The following MID1 variants were observed in gnomAD, a reference collection of about 807,000 sequenced individuals.
MID1 encodes the protein midline 1, also known as E3 ubiquitin-protein ligase Midline-1.
A neutral mutation model predicts 40.4 loss-of-function variants in MID1; 7 were observed. The observed-to-expected ratio is 0.17, with a 90% confidence interval of 0.10 to 0.33. MID1 has a LOEUF of 0.33. Among genes scored for constraint, MID1 ranks in the 10% least tolerant of loss-of-function variants. MID1 has a pLI of 1.00. For missense variants in MID1, 367 were observed against 558.5 expected (o/e 0.66, Z 3.46); for synonymous variants, 229 against 221.2 (o/e 1.04, Z -0.31).
At chrX:10,802,500 T>C (rs1014120806) in intron 1 of MID1, among the ~76,000 whole-genome samples, 2 of 111,963 alleles carry the variant, frequency 1.8e-5, no homozygotes, top group African/African-American at 3.3e-5. Context: ...ATGGCTATTA[T>C]TAAAAAGTCA....
chrX:10,576,539 T>C lies in MID1; in HGVS notation c.-56-8936A>G, dbSNP rs187760902. 1.9e-3 allele frequency among the ~76,000 whole-genome samples: 209 copies of C among 111,589 alleles called. 2 individuals carry two copies. The highest frequency in any genetic ancestry group is 0.018 in the Admixed American group (191 of 10,466). ...TAAACACTCCTTCTCGAGGTTCATT[T>C]ATACAAGCAGACAAGCACAAAGACA... On this transcript the variant is annotated intron_variant, in intron 1 of 9. Transcript: ENST00000317552.
chrX:10,549,455 AT>A lies in MID1; in HGVS notation c.660+17432del, dbSNP rs1003069910. On this transcript the variant is annotated intron_variant, in intron 2 of 9. Transcript: ENST00000317552. Reference sequence around the variant, plus strand: ...ATGGGCCAAATCCGGCCAGTCACCTATTTTTATAGAGCTTCATTGGCAGCCT... The same window carrying A: ...ATGGGCCAAATCCGGCCAGTCACCTATTTTATAGAGCTTCATTGGCAGCCT... Among the ~76,000 whole-genome samples the A allele has an allele frequency of 3.5e-5, 4 of 113,262 alleles. No homozygotes were observed. In the Admixed American group the frequency reaches 3.7e-4, roughly 10 times the overall value.
intron 1 of MID1, among the ~76,000 whole-genome samples, chrX:10,829,427 C>T (rs2044238180): frequency 8.9e-6 from 1 of 111,884 alleles, no homozygotes; most frequent in Non-Finnish European, 1.9e-5. Flanking sequence ...ACAGTTAGAA[C>T]CATTCTTTAT....
intron 1 of MID1, among the ~76,000 whole-genome samples, chrX:10,714,747 C>T (rs1323673532): frequency 8.9e-6 from 1 of 111,742 alleles, no homozygotes; most frequent in Non-Finnish European, 1.9e-5. Flanking sequence ...GAAGCAACGT[C>T]TGGTAGGGCT....
At chrX:10,659,464 A>G (rs2042897277) in intron 1 of MID1, among the ~76,000 whole-genome samples, 1 of 111,706 alleles carries the variant, frequency 9.0e-6, no homozygotes, top group Non-Finnish European at 1.9e-5. Flanking sequence ...AAGGTAAACA[A>G]TTTCCTTCTC....
intron 1 of MID1, among the ~76,000 whole-genome samples, chrX:10,639,991 G>T (rs899693412): frequency 9.0e-6 from 1 of 111,689 alleles, no homozygotes; most frequent in African/African-American, 3.3e-5. Flanking sequence ...CACCAGGCCT[G>T]CCTTACAAGA....
chrX:10,496,178 C>T (rs1276846655), intron 3 of MID1, among the ~76,000 whole-genome samples: 1 of 112,382 alleles, frequency 8.9e-6, no homozygotes, highest in Non-Finnish European at 1.9e-5. Context: ...TTTGACATTT[C>T]TCTTAAATAC....
intron 1 of MID1, among the ~76,000 whole-genome samples, chrX:10,572,717 C>T (rs1167142016): frequency 2.7e-5 from 3 of 111,340 alleles, no homozygotes; most frequent in Non-Finnish European, 5.6e-5. Flanking sequence ...TCAGGAAATC[C>T]TATAGCTTAA....
chrX:10,550,509 G>A (rs1225006907), intron 2 of MID1, among the ~76,000 whole-genome samples: 20 of 110,745 alleles, frequency 1.8e-4, no homozygotes, highest in African/African-American at 6.4e-4. Flanking sequence ...CTTCCAGGCT[G>A]CCAGGCTGCC....
At chrX:10,478,304 C>T (rs1261953663) in intron 5 of MID1, among the ~76,000 whole-genome samples, 1 of 112,197 alleles carries the variant, frequency 8.9e-6, no homozygotes, top group African/African-American at 3.2e-5. Context: ...GTACATTATA[C>T]ATTTGCATTC....
chrX:10,805,397 A>T (rs1423647013), intron 1 of MID1, among the ~76,000 whole-genome samples: 29 of 108,017 alleles, frequency 2.7e-4, no homozygotes, highest in Non-Finnish European at 5.4e-4. Flanking sequence ...AAAGGACATG[A>T]ACTCATCCTT....
At chrX:10,674,007 T>C (rs760539809) in intron 1 of MID1, among the ~76,000 whole-genome samples, 6 of 111,761 alleles carry the variant, frequency 5.4e-5, no homozygotes, top group Non-Finnish European at 9.4e-5. Context: ...TCAAAACATT[T>C]AACAAAAGTC....
chrX:10,536,317 T>C (rs142992593), intron 2 of MID1, among the ~76,000 whole-genome samples: 1,600 of 112,427 alleles, frequency 0.014, 33 homozygotes, highest in African/African-American at 0.048. Flanking sequence ...AAATAGATTT[T>C]CTAGAAAGTG....
At chrX:10,472,902 T>G (rs751968454) in intron 6 of MID1, among the ~76,000 whole-genome samples, 1 of 112,498 alleles carries the variant, frequency 8.9e-6, no homozygotes, top group Non-Finnish European at 1.9e-5. Flanking sequence ...TCTGTGACTG[T>G]AATACAAACA....
intron 1 of MID1, among the ~76,000 whole-genome samples, chrX:10,617,931 C>G (rs1250703568): frequency 8.9e-6 from 1 of 112,570 alleles, no homozygotes; most frequent in East Asian, 2.8e-4. Context: ...TCAGCCGTGG[C>G]CTTAGGAACC....
chrX:10,813,434 G>T (rs1192610552), intron 1 of MID1, among the ~76,000 whole-genome samples: 2 of 111,607 alleles, frequency 1.8e-5, no homozygotes, highest in African/African-American at 6.5e-5. Context: ...TTTTTCTAAA[G>T]AAGAGTAAAC....
chrX:10,543,576 C>T (rs961902701), intron 2 of MID1, among the ~76,000 whole-genome samples: 1 of 111,420 alleles, frequency 9.0e-6, no homozygotes, highest in Non-Finnish European at 1.9e-5. Context: ...GGTGTGGTGG[C>T]TCACACCTGT....
chrX:10,472,857 G>GAA (rs1203005085), intron 6 of MID1, among the ~76,000 whole-genome samples: 1 of 112,256 alleles, frequency 8.9e-6, no homozygotes, highest in Non-Finnish European at 1.9e-5. Flanking sequence ...GGTCGTCACT[G>GAA]AACCACTGCC....
At chrX:10,560,664 GGGACGTGAAGGACCTCTTCAA>G (rs747008166) in intron 2 of MID1, among the ~76,000 whole-genome samples, 1 of 110,859 alleles carries the variant, frequency 9.0e-6, no homozygotes, top group East Asian at 2.8e-4. Context: ...CAACTTACAA[GGGACGTGAAGGACCTCTTCAA>G]GGAGAACTAC....
Sources: allele counts gnomAD v4.1 joint callset (sites outside exome capture counted in the v4.1 genomes callset), GRCh38; gene constraint gnomAD v4.1.1; transcripts MANE v1.5; gene names NCBI Gene and HGNC (gene_info 2026-07-23, HGNC 2026-07-21).